The following DPF3 variants were observed in gnomAD, a reference collection of about 807,000 sequenced individuals.
DPF3 encodes double PHD fingers 3.
In DPF3, 18 loss-of-function variants were observed where a neutral mutation model predicts 56.8. That is an observed-to-expected ratio of 0.32 (90% CI 0.22 to 0.47). DPF3 has a LOEUF of 0.47. Ranked by LOEUF, DPF3 falls within the 20% of genes least tolerant of loss-of-function variation. DPF3 has a pLI of 1.00. For synonymous variants in DPF3, 188 were observed against 180.2 expected (o/e 1.04, Z -0.35); for missense variants, 403 against 488.8 (o/e 0.82, Z 1.65).
intron 1 of DPF3, among the ~76,000 whole-genome samples, chr14:72,805,077 G>A (rs9671654): frequency 4.5e-5 from 1 of 22,390 alleles, no homozygotes; most frequent in Non-Finnish European, 1.0e-4. Context: ...CAAACACACA[G>A]ACACACACAC....
At chr14:72,696,588 G>A (rs1373698441) in intron 6 of DPF3, among the ~76,000 whole-genome samples, 3 of 152,236 alleles carry the variant, frequency 2.0e-5, no homozygotes, top group Non-Finnish European at 4.4e-5. Flanking sequence ...GCCAGGAGAT[G>A]GGCGAAGAGG....
chr14:72,746,977 C>T (rs1035617850), intron 3 of DPF3, among the ~76,000 whole-genome samples: 1 of 152,250 alleles, frequency 6.6e-6, no homozygotes, highest in Non-Finnish European at 1.5e-5. Flanking sequence ...CACCCACAGG[C>T]CAGGCATAAA....
Position 72,614,829 on chromosome 14 carries a change from G to T in DPF3, c.*4468C>A, listed in dbSNP as rs375190465. ...GTTCACTCCCACCTGCTGCCCTCCAGCTCCTTAGCTCGAGGATTTCTCCCT... is the reference window on the plus strand; with the variant it reads ...GTTCACTCCCACCTGCTGCCCTCCATCTCCTTAGCTCGAGGATTTCTCCCT... On this transcript the variant is annotated 3_prime_UTR_variant, in exon 11 of 11. Coordinates refer to ENST00000556509, the MANE Select transcript of DPF3 (RefSeq NM_001280542.3). Among the ~76,000 whole-genome samples the T allele has an allele frequency of 2.9e-5, 4 of 136,964 alleles. No homozygotes were observed. Among genetic ancestry groups the T allele is most frequent in the Non-Finnish European group, 6.1e-5 (4 of 65,098 alleles). The allele number at this position is 136,964 out of a possible 152,430, so 89.9% of individuals were successfully genotyped here. A position where few individuals can be genotyped will look rare whatever the true frequency, so the allele number is the denominator to read the frequency against.
At chr14:72,744,114 T>C (rs1261894641) in intron 3 of DPF3, among the ~76,000 whole-genome samples, 4 of 152,096 alleles carry the variant, frequency 2.6e-5, no homozygotes, top group Admixed American at 1.3e-4. Context: ...GCCCTTCCTA[T>C]CCCCATGCAG....
At chr14:72,845,869 G>C (rs1884729455) in intron 1 of DPF3, among the ~76,000 whole-genome samples, 1 of 152,142 alleles carries the variant, frequency 6.6e-6, no homozygotes, top group South Asian at 2.1e-4. Flanking sequence ...CTGCAGATCA[G>C]AGGACACCGG....
chr14:72,785,568 T>C (rs1052310771), intron 1 of DPF3, among the ~76,000 whole-genome samples: 3 of 152,194 alleles, frequency 2.0e-5, no homozygotes, highest in African/African-American at 7.2e-5. Flanking sequence ...TTGGAGGCAC[T>C]AGAACACTTC....
At chr14:72,750,791 C>CAAAAAAAAA (rs35754238) in intron 3 of DPF3, among the ~76,000 whole-genome samples, 7 of 65,948 alleles carry the variant, frequency 1.1e-4, no homozygotes, top group African/African-American at 2.7e-4. Flanking sequence ...GAAAGAATCT[C>CAAAAAAAAA]AAAAAAAAAA....
intron 1 of DPF3, chr14:72,773,816 A>C (rs1037479047): frequency 4.5e-6 from 2 of 448,112 alleles, no homozygotes; most frequent in Non-Finnish European, 8.8e-6. Context: ...TTTTTAAGTC[A>C]GAATAATATT....
At chr14:72,718,281 T>C (rs547920222) in intron 5 of DPF3, among the ~76,000 whole-genome samples, 5 of 152,326 alleles carry the variant, frequency 3.3e-5, no homozygotes, top group South Asian at 2.1e-4. Flanking sequence ...CCCATTTTTA[T>C]TGAAGCTGAA....
chr14:72,893,776 C>A (rs1330604250), intron 1 of DPF3, among the ~76,000 whole-genome samples: 1 of 152,142 alleles, frequency 6.6e-6, no homozygotes, highest in Admixed American at 6.5e-5. Flanking sequence ...AGCGCTCGAG[C>A]GCCGGGCTTC....
chr14:72,690,224 C>T (rs1887614520), intron 7 of DPF3, among the ~76,000 whole-genome samples: 1 of 152,190 alleles, frequency 6.6e-6, no homozygotes, highest in South Asian at 2.1e-4. Flanking sequence ...CTTTCCCAAG[C>T]AAGGCTGTGT....
chr14:72,783,685 G>A (rs1892085169), intron 1 of DPF3, among the ~76,000 whole-genome samples: 1 of 152,230 alleles, frequency 6.6e-6, no homozygotes, highest in African/African-American at 2.4e-5. Flanking sequence ...CAAGACATCA[G>A]ACATTGCTTT....
At chr14:72,776,679 G>A (rs1891755337) in intron 1 of DPF3, among the ~76,000 whole-genome samples, 1 of 152,020 alleles carries the variant, frequency 6.6e-6, no homozygotes, top group Admixed American at 6.5e-5. Flanking sequence ...TGCTTGCTCC[G>A]ATTTCTCAGA....
intron 7 of DPF3, among the ~76,000 whole-genome samples, chr14:72,678,339 G>A (rs901142871): frequency 4.6e-5 from 7 of 152,272 alleles, no homozygotes; most frequent in Admixed American, 1.3e-4. Context: ...TGATATTTAC[G>A]AAGCCCAAAG....
chr14:72,866,871 C>A (rs1446737817), intron 1 of DPF3, among the ~76,000 whole-genome samples: 1 of 149,750 alleles, frequency 6.7e-6, no homozygotes, highest in African/African-American at 2.4e-5. Flanking sequence ...GTGATCCACC[C>A]GACTCGGCCT....
At chr14:72,764,488 T>G (rs997675136) in intron 2 of DPF3, among the ~76,000 whole-genome samples, 2 of 83,724 alleles carry the variant, frequency 2.4e-5, no homozygotes, top group African/African-American at 1.1e-4. Context: ...TGAGTTGTTT[T>G]TTTTTTTTTT....
At chr14:72,788,501 A>G (rs990812793) in intron 1 of DPF3, among the ~76,000 whole-genome samples, 4 of 152,138 alleles carry the variant, frequency 2.6e-5, no homozygotes, top group African/African-American at 9.7e-5. Flanking sequence ...AGCCATCAAT[A>G]TCTCTTCGGA....
intron 6 of DPF3, among the ~76,000 whole-genome samples, chr14:72,709,548 GT>G (rs1888564511): frequency 6.6e-6 from 1 of 152,154 alleles, no homozygotes. Flanking sequence ...TAAGTTGTGC[GT>G]TCTCATTAAT....
At chr14:72,677,648 G>C (rs1452168723) in intron 7 of DPF3, among the ~76,000 whole-genome samples, 1 of 152,130 alleles carries the variant, frequency 6.6e-6, no homozygotes, top group Non-Finnish European at 1.5e-5. Flanking sequence ...GGATGGCAGG[G>C]ATGTTAGTGG....
Sources: allele counts gnomAD v4.1 joint callset (sites outside exome capture counted in the v4.1 genomes callset), GRCh38; gene constraint gnomAD v4.1.1; transcripts MANE v1.5; gene names NCBI Gene and HGNC (gene_info 2026-07-23, HGNC 2026-07-21).